COL12A1: variants seen among roughly 807,000 people sequenced by gnomAD.
COL12A1 encodes collagen alpha-1(XII) chain.
COL12A1 carries 114 observed loss-of-function variants against 349.7 expected under a neutral mutation model. The ratio of observed to expected loss-of-function variants is 0.33; its 90% CI spans 0.28 to 0.38. The LOEUF is 0.38. COL12A1 is among the 10% of genes least tolerant of loss of function. The pLI is 1.00. For missense variants in COL12A1, 3,284 were observed against 3,756.9 expected (o/e 0.87, Z 3.29); for synonymous variants, 1,369 against 1,329.0 (o/e 1.03, Z -0.66).
At chr6:75,174,193 A>G (rs569327684) in intron 13 of COL12A1, among the ~76,000 whole-genome samples, 70 of 152,346 alleles carry the variant, frequency 4.6e-4, no homozygotes, top group African/African-American at 1.6e-3. Flanking sequence ...CTTACTAAGT[A>G]CTTTATCGCA....
In COL12A1 at chr6:75,137,562, G is replaced by T. The variant is rs779921465; in HGVS notation, c.5269C>A (p.Arg1757=). The T allele has an allele frequency of 1.2e-6, 2 of 1,613,596 alleles. No individual in the cohort carries two copies. The highest frequency in any genetic ancestry group is 2.2e-5 in the South Asian group (2 of 90,926). The change falls in exon 31 of 66, where the codon CGA becomes AGA. Residue 1757 remains arginine, a synonymous_variant. Coordinates refer to ENST00000322507, the MANE Select transcript of COL12A1 (RefSeq NM_004370.6). The part of the protein sequence containing the change: ...LTTQAPKSGP[R]NLQVYNATSN... Reference sequence around the variant, plus strand: ...GTTGCATTGTACACTTGAAGGTTTCGTGGGCCACTTTTGGGAGCTGAAAGA... The same window carrying T: ...GTTGCATTGTACACTTGAAGGTTTCTTGGGCCACTTTTGGGAGCTGAAAGA...
intron 59 of COL12A1, among the ~76,000 whole-genome samples, chr6:75,096,629 G>A (rs997735831): frequency 2.6e-5 from 4 of 152,180 alleles, no homozygotes; most frequent in African/African-American, 9.7e-5. Context: ...GGGCGCGGTG[G>A]CTCACGCCTG....
chr6:75,187,133 T>C (rs746380153), intron 8 of COL12A1, among the ~76,000 whole-genome samples: 3 of 140,606 alleles, frequency 2.1e-5, no homozygotes, highest in Non-Finnish European at 3.0e-5. Flanking sequence ...TTTTAAAAAA[T>C]GAAAATAATT....
intron 3 of COL12A1, among the ~76,000 whole-genome samples, chr6:75,194,385 C>T (rs1469208266): frequency 6.6e-6 from 1 of 152,164 alleles, no homozygotes; most frequent in Non-Finnish European, 1.5e-5. Context: ...TATCTGTCAT[C>T]ATGGTTGTTT....
rs968453767 is a variant in COL12A1 at position 75,205,812 on chromosome 6, G to C, written c.-71C>G. ...GGCAACAGGGAGAGGTAGCGGCGGC[G>C]ACAGCGGCTTCCCGGCGTCGGAGAA... is the stretch of plus-strand genomic sequence containing the variant. On this transcript the variant is annotated 5_prime_UTR_variant, in exon 1 of 66. Coordinates refer to ENST00000322507, the MANE Select transcript of COL12A1 (RefSeq NM_004370.6). 1.3e-5 allele frequency: 2 copies of C among 156,998 alleles called. No homozygotes were observed. The highest frequency in any genetic ancestry group is 1.4e-5 in the Non-Finnish European group (1 of 71,966). 9.7% of individuals were successfully genotyped at this position (156,998 alleles called of 1,614,324 possible). A position where few individuals can be genotyped will look rare whatever the true frequency, so the allele number is the denominator to read the frequency against.
intron 54 of COL12A1, 118 bp downstream of exon 54, chr6:75,105,088 G>T: frequency 1.4e-6 from 1 of 725,670 alleles, no homozygotes; most frequent in Non-Finnish European, 2.2e-6. Flanking sequence ...AATTTAGCTT[G>T]CTCTATCCTA....
chr6:75,189,769 G>A lies in COL12A1; in HGVS notation c.441C>T (p.Gly147=), dbSNP rs370007721. The change falls in exon 6 of 66, where the codon GGC becomes GGT. Residue 147 remains glycine (G), a synonymous_variant. Transcript: ENST00000322507. The stretch of plus-strand genomic sequence containing the variant: ...AATTATTTCTTCCCACACTCCAAGA[G>A]CCATCCACGAGGAAAACCAAATCAG... The part of the protein sequence containing the change: ...AWTDLVFLVD[G]SWSVGRNNFK... 41 of 1,613,066 alleles carry A rather than the reference G, an allele frequency of 2.5e-5. No individual in the cohort carries two copies. Among genetic ancestry groups the A allele is most frequent in the South Asian group, 7.7e-5 (7 of 91,054 alleles).
chr6:75,138,197 C>A, intron 30 of COL12A1, 123 bp downstream of exon 30: 1 of 1,051,408 alleles, frequency 9.5e-7, no homozygotes, highest in Non-Finnish European at 1.4e-6. Flanking sequence ...TAAAAGAGTT[C>A]TCAATGAACA....
intron 64 of COL12A1, 100 bp downstream of exon 64, chr6:75,089,004 AAC>A (rs1166379610): frequency 6.6e-3 from 5,325 of 809,158 alleles, no homozygotes; most frequent in Admixed American, 9.2e-3. Context: ...CCGTCTCAAA[AAC>A]AAAAAAAAGA....
At chr6:75,191,645 A>G (rs1404268197) in intron 5 of COL12A1, 56 bp downstream of exon 5, 4 of 1,221,718 alleles carry the variant, frequency 3.3e-6, no homozygotes, top group Non-Finnish European at 4.7e-6. Context: ...CATCTGTTCT[A>G]TCCTACATTT....
At chr6:75,202,897 C>A in intron 1 of COL12A1, 70 bp from the exon 2 acceptor site, 1 of 1,028,086 alleles carries the variant, frequency 9.7e-7, no homozygotes, top group Non-Finnish European at 1.4e-6. Context: ...AGAACTGGAG[C>A]CTGGACCTAG....
rs942074618 is a variant in COL12A1 at position 75,115,862 on chromosome 6, A to G, written c.7619T>C (p.Val2540Ala). 2 of 1,613,488 alleles carry G rather than the reference A, an allele frequency of 1.2e-6. No homozygotes were observed. The highest frequency in any genetic ancestry group is 1.7e-6 in the Non-Finnish European group (2 of 1,179,666). ...TEKNFASVQG[V>A]SLESGSFPSY... ...GGGGAAAGACCCTGACTCCAAAGATACTCCTTGTACAGAAGCAAAATTCTT... is the reference window on the plus strand; with the variant it reads ...GGGGAAAGACCCTGACTCCAAAGATGCTCCTTGTACAGAAGCAAAATTCTT... Residue 2540 changes from valine (V) to alanine (A), a missense_variant, in exon 49 of 66, where the codon GTA (valine) becomes GCA (alanine). Val to Ala is a moderately conservative substitution (Grantham distance 64). Transcript: ENST00000322507.
intron 22 of COL12A1, among the ~76,000 whole-genome samples, chr6:75,148,047 C>A (rs1022026838): frequency 1.3e-5 from 2 of 152,056 alleles, no homozygotes. Flanking sequence ...ATGTTCCTTG[C>A]TAACTCTCTG....
chr6:75,204,176 T>G (rs1770662506), intron 1 of COL12A1, among the ~76,000 whole-genome samples: 1 of 152,212 alleles, frequency 6.6e-6, no homozygotes, highest in African/African-American at 2.4e-5. Flanking sequence ...AATTAACAAC[T>G]GTTTGACATT....
rs747809813 is a variant in COL12A1 at position 75,090,248 on chromosome 6, GGTA to G, written c.8800_8802del (p.Tyr2934del). ...GGGCCTGGCTGGTTGCGACTGGACT[GGTA>G]ATCATTTGGAATCTGATTCAGCATC... On this transcript the variant is annotated inframe_deletion, in exon 63 of 66. Transcript: ENST00000322507. This position sits in a 1 kb window ranked among gnomAD's most constrained non-coding sequence, Gnocchi z 4.1. 1 of 1,613,598 alleles carries G rather than the reference GGTA, an allele frequency of 6.2e-7. No individual in the cohort carries two copies. Among genetic ancestry groups the G allele is most frequent in the Non-Finnish European group, 8.5e-7 (1 of 1,179,658 alleles).
In COL12A1 at chr6:75,146,185, G is replaced by C. The variant is rs748275879; in HGVS notation, c.4477C>G (p.Gln1493Glu). ...YDVGPTTMHVQWQPVGGATGY... is the reference protein window; with the variant it reads ...YDVGPTTMHVEWQPVGGATGY... ...GTAGCTCCTCCCACAGGCTGCCACT[G>C]CACATGCATGGTGGTAGGGCCAACA... is the stretch of plus-strand genomic sequence containing the variant. The change falls in exon 24 of 66, where the codon CAG becomes GAG. Residue 1493 changes from glutamine to glutamate, a missense_variant. Gln to Glu is a conservative substitution (Grantham distance 29). Around this residue, in one of 2 missense-constraint regions of COL12A1, gnomAD observed 2,601 missense variants for 2,824.8 expected, o/e 0.92. Coordinates refer to ENST00000322507, the MANE Select transcript of COL12A1 (RefSeq NM_004370.6). 1 of 1,613,382 alleles carries C rather than the reference G, an allele frequency of 6.2e-7. No homozygotes were observed. The highest frequency in any genetic ancestry group is 2.2e-5 in the East Asian group (1 of 44,854).
rs372046901 is a variant in COL12A1, at chr6:75,109,474, T to C, written c.7951-307A>G. 7.2e-5 allele frequency among the ~76,000 whole-genome samples: 11 copies of C among 152,270 alleles called. No homozygotes were observed. In the East Asian group the frequency reaches 2.1e-3, roughly 29 times the overall value. On this transcript the variant is annotated intron_variant, in intron 51 of 65. Coordinates refer to ENST00000322507, the MANE Select transcript of COL12A1 (RefSeq NM_004370.6). The stretch of plus-strand genomic sequence containing the variant: ...GAGAGGATATAGTAGATGAAATGAC[T>C]TTGTAAGCTATAAAGAGCTACCCAA...
At chr6:75,089,928 C>T (rs1369082139) in intron 63 of COL12A1, among the ~76,000 whole-genome samples, 182 bp downstream of exon 63, 2 of 152,060 alleles carry the variant, frequency 1.3e-5, no homozygotes, top group Non-Finnish European at 2.9e-5. Flanking sequence ...AAAAACATAC[C>T]ATTTTTCTAA....
chr6:75,095,672 T>G (rs189517055), intron 59 of COL12A1, among the ~76,000 whole-genome samples: 3 of 150,652 alleles, frequency 2.0e-5, no homozygotes, highest in Non-Finnish European at 4.4e-5. Context: ...AATAAAAAAC[T>G]CTTGACAACT....
Sources: gnomAD v4.1 joint callset for allele counts (sites outside exome capture counted in the v4.1 genomes callset) on GRCh38, gnomAD v4.1.1 for gene constraint, gnomAD v4.1.1 regional missense constraint, Gnocchi (gnomAD v3.1) non-coding constraint, MANE v1.5 for transcripts, NCBI Gene and HGNC (gene_info 2026-07-23, HGNC 2026-07-21) for gene names.